Variants in RMDN1 observed in about 807,000 individuals in gnomAD.
RMDN1 encodes the protein regulator of microtubule dynamics 1.
A neutral mutation model predicts 48.9 loss-of-function variants in RMDN1; 48 were observed. The observed-to-expected ratio is 0.98, with a 90% CI of 0.78 to 1.25. The LOEUF is 1.25. Ranked by LOEUF, RMDN1 falls within the 50% of genes most tolerant of loss-of-function variation. The pLI, the probability that RMDN1 is intolerant of heterozygous loss-of-function variation, is 0.00. For missense variants in RMDN1, 418 were observed against 373.4 expected (o/e 1.12, Z -0.98); for synonymous variants, 148 against 132.6 (o/e 1.12, Z -0.80).
intron 2 of RMDN1, among the ~76,000 whole-genome samples, chr8:86,502,127 G>GT: frequency 6.6e-6 from 1 of 152,198 alleles, no homozygotes; most frequent in African/African-American, 2.4e-5. Context: ...TAATTAAAAA[G>GT]TGAGGATTGT....
chr8:86,506,355 A>T (rs1389328195), intron 2 of RMDN1, among the ~76,000 whole-genome samples: 1 of 152,188 alleles, frequency 6.6e-6, no homozygotes, highest in Non-Finnish European at 1.5e-5. Flanking sequence ...ATTATTATCT[A>T]AAGGTGTGTT....
At chr8:86,480,998 G>A (rs1458599321) in intron 5 of RMDN1, among the ~76,000 whole-genome samples, 1 of 152,026 alleles carries the variant, frequency 6.6e-6, no homozygotes, top group Non-Finnish European at 1.5e-5. Context: ...TAAAGAAACT[G>A]TTCCTCCTTT....
At chr8:86,486,155 A>G (rs1815427717) in intron 4 of RMDN1, among the ~76,000 whole-genome samples, 1 of 152,252 alleles carries the variant, frequency 6.6e-6, no homozygotes, top group African/African-American at 2.4e-5. Context: ...TGAAGTGCTT[A>G]TACTACTAAG....
intron 5 of RMDN1, 145 bp from the exon 6 acceptor site, chr8:86,480,477 C>A: frequency 2.0e-6 from 1 of 496,986 alleles, no homozygotes; most frequent in Non-Finnish European, 3.7e-6. Context: ...TTTCTTCCTC[C>A]TGATTCTTTG....
At chr8:86,474,702 C>T (rs1438059086) in intron 9 of RMDN1, 118 bp downstream of exon 9, 1 of 959,708 alleles carries the variant, frequency 1.0e-6, no homozygotes. Flanking sequence ...TTGAAATGAA[C>T]ACACTTGTTT....
chr8:86,484,796 A>T, intron 5 of RMDN1, 76 bp downstream of exon 5: 1 of 807,714 alleles, frequency 1.2e-6, no homozygotes, highest in African/African-American at 1.7e-5. Flanking sequence ...ATATACAGCA[A>T]TAGATAATGA....
At chr8:86,497,678 G>T (rs1265152425) in intron 2 of RMDN1, among the ~76,000 whole-genome samples, 1 of 142,848 alleles carries the variant, frequency 7.0e-6, no homozygotes, top group Non-Finnish European at 1.5e-5. Context: ...TCCAGCCTGA[G>T]CAACAGAGCA....
intron 2 of RMDN1, among the ~76,000 whole-genome samples, chr8:86,498,244 A>AATT (rs1332350559): frequency 4.7e-5 from 7 of 148,584 alleles, no homozygotes; most frequent in Admixed American, 2.8e-4. Context: ...CAAGTTCGAA[A>AATT]ATTGAATCAG....
intron 2 of RMDN1, among the ~76,000 whole-genome samples, chr8:86,493,769 T>C (rs1028375141): frequency 2.0e-5 from 3 of 152,248 alleles, no homozygotes; most frequent in Admixed American, 2.0e-4. Context: ...CACAAAGTTA[T>C]TTAAAATCTT....
rs1819792240 is a variant in RMDN1, at chr8:86,508,554, G to A, written c.67C>T (p.Leu23Phe). 6.3e-7 allele frequency: 1 copy of A among 1,595,820 alleles called. No homozygotes were observed. Among genetic ancestry groups the A allele is most frequent in the South Asian group, 1.1e-5 (1 of 88,750 alleles). The change falls in exon 1 of 10, where the codon CTC (leucine) becomes TTC (phenylalanine). Residue 23 changes from leucine (L) to phenylalanine (F), a missense_variant. Coordinates refer to ENST00000406452, the MANE Select transcript of RMDN1 (RefSeq NM_016033.3). ...FRRGAAPGSR[L>F]PAGTSGSRGH... Reference sequence around the variant, plus strand: ...CGGCTGCCCGAAGTCCCCGCAGGGAGACGAGACCCCGGGGCGGCTCCACGT... The same window carrying A: ...CGGCTGCCCGAAGTCCCCGCAGGGAAACGAGACCCCGGGGCGGCTCCACGT...
chr8:86,512,592 G>A (rs1038082791), upstream of RMDN1, among the ~76,000 whole-genome samples: 1 of 152,116 alleles, frequency 6.6e-6, no homozygotes, highest in Non-Finnish European at 1.5e-5. Context: ...ACATCACCCT[G>A]CCTTAACTTT....
intron 5 of RMDN1, among the ~76,000 whole-genome samples, chr8:86,483,423 T>G (rs1389299880): frequency 1.3e-5 from 2 of 152,224 alleles, no homozygotes; most frequent in African/African-American, 4.8e-5. Flanking sequence ...AGAAAATTAC[T>G]GTATTTCCCT....
intron 2 of RMDN1, among the ~76,000 whole-genome samples, chr8:86,501,002 C>T (rs1327654234): frequency 6.6e-6 from 1 of 152,110 alleles, no homozygotes; most frequent in Non-Finnish European, 1.5e-5. Context: ...ACACTGAGTA[C>T]ACATGGACAC....
downstream of RMDN1, chr8:86,470,466 C>G: frequency 8.2e-7 from 1 of 1,213,532 alleles, no homozygotes; most frequent in African/African-American, 1.6e-5. Flanking sequence ...TGGGAAGGCA[C>G]CATGTCTTGC....
At chr8:86,503,523 G>C (rs373759476) in intron 2 of RMDN1, 1 of 225,524 alleles carries the variant, frequency 4.4e-6, no homozygotes, top group Non-Finnish European at 9.1e-6. Flanking sequence ...GTTATCTCTG[G>C]AATCACACTC....
chr8:86,501,492 G>A (rs1357644721), intron 2 of RMDN1, among the ~76,000 whole-genome samples: 4 of 152,042 alleles, frequency 2.6e-5, no homozygotes, highest in Non-Finnish European at 4.4e-5. Flanking sequence ...AGACAACATG[G>A]TGAAACCTCG....
chr8:86,508,401 G>T, intron 1 of RMDN1, 91 bp downstream of exon 1: 2 of 1,378,350 alleles, frequency 1.5e-6, no homozygotes, highest in South Asian at 1.4e-5. Context: ...ACATTCCTTA[G>T]GCAGCGCGGG....
downstream of RMDN1, chr8:86,470,227 C>T: frequency 7.8e-7 from 1 of 1,289,274 alleles, no homozygotes; most frequent in South Asian, 1.2e-5. Context: ...CTTTGATATA[C>T]ATGTACGTGG....
At chr8:86,472,283 G>A, downstream of RMDN1, 1 of 608,138 alleles carries the variant, frequency 1.6e-6, no homozygotes, top group Non-Finnish European at 2.9e-6. Flanking sequence ...AACTTTCTGA[G>A]CACCAAAATG....
Sources: gnomAD v4.1 joint callset for allele counts (sites outside exome capture counted in the v4.1 genomes callset) on GRCh38, gnomAD v4.1.1 for gene constraint, MANE v1.5 for transcripts, NCBI Gene and HGNC (gene_info 2026-07-23, HGNC 2026-07-21) for gene names.